ABLIM2: variants seen among roughly 807,000 people sequenced by gnomAD.
ABLIM2 encodes the protein actin-binding LIM protein 2.
A neutral mutation model predicts 97.7 loss-of-function variants in ABLIM2; 53 were observed. The observed-to-expected ratio is 0.54, with a 90% CI of 0.44 to 0.68. ABLIM2 has a LOEUF of 0.68. Ranked by LOEUF, ABLIM2 falls within the 30% of genes least tolerant of loss-of-function variation. ABLIM2 has a pLI of 0.00. For missense variants in ABLIM2, 835 were observed against 867.2 expected (o/e 0.96, Z 0.47); for synonymous variants, 361 against 345.8 (o/e 1.04, Z -0.49).
chr4:8,020,440 G>C (rs1313442571), intron 12 of ABLIM2, 137 bp from the exon 13 acceptor site: 6 of 797,510 alleles, frequency 7.5e-6, no homozygotes, highest in Admixed American at 2.0e-5. Context: ...CCCTGCCCAG[G>C]GGAAGGAGTG....
intron 9 of ABLIM2, among the ~76,000 whole-genome samples, chr4:8,042,874 G>T (rs937402174): frequency 6.7e-6 from 1 of 148,288 alleles, no homozygotes; most frequent in Admixed American, 6.7e-5. Context: ...GTGTTGGCCA[G>T]ACGTGATGAC....
At chr4:7,985,181 C>T (rs1742753521) in intron 17 of ABLIM2, among the ~76,000 whole-genome samples, 1 of 152,314 alleles carries the variant, frequency 6.6e-6, no homozygotes, top group Middle Eastern at 3.4e-3. Context: ...GCTCCAACCC[C>T]ATTTGAAAGC....
intron 9 of ABLIM2, among the ~76,000 whole-genome samples, chr4:8,040,281 C>T (rs1202087366): frequency 1.3e-5 from 2 of 151,936 alleles, no homozygotes; most frequent in Non-Finnish European, 2.9e-5. Flanking sequence ...GCCAGGCGCA[C>T]AGTAGGTTGA....
intron 6 of ABLIM2, among the ~76,000 whole-genome samples, chr4:8,076,769 C>T (rs1383858170): frequency 1.2e-5 from 1 of 85,964 alleles, no homozygotes; most frequent in East Asian, 3.5e-4. Flanking sequence ...GGGTGGGCTG[C>T]AGGGTGGGGG....
In ABLIM2 at chr4:8,027,769, G is replaced by C. The variant is rs1410365000; in HGVS notation, c.1257C>G (p.Pro419=). ...PTSVFRHHYI[P]YFRGSESGRS... is the part of the protein sequence containing the mutation. ...CACTGCGTGCCTTACCTCGGAAGTA[G>C]GGGATGTAATGATGTCTGAACACGG... Residue 419 remains proline (P), a synonymous_variant, in exon 12 of 21, where the codon CCC becomes CCG. Transcript: ENST00000447017. The C allele has an allele frequency of 6.3e-7, 1 of 1,589,132 alleles. No homozygotes were observed. The highest frequency in any genetic ancestry group is 8.6e-7 in the Non-Finnish European group (1 of 1,168,292).
chr4:7,983,688 G>T, intron 18 of ABLIM2, 134 bp from the exon 19 acceptor site: 1 of 1,127,804 alleles, frequency 8.9e-7, no homozygotes, highest in Non-Finnish European at 1.3e-6. Context: ...TGGTCCCCGA[G>T]CAGCCTGCAC....
chr4:8,139,409 GA>G (rs533893134), intron 1 of ABLIM2, among the ~76,000 whole-genome samples: 1 of 151,936 alleles, frequency 6.6e-6, no homozygotes, highest in Non-Finnish European at 1.5e-5. Context: ...ATATTTACAA[GA>G]AAAAAACAAC....
intron 6 of ABLIM2, among the ~76,000 whole-genome samples, chr4:8,073,045 G>A (rs1353845888): frequency 6.6e-6 from 1 of 151,968 alleles, no homozygotes; most frequent in Non-Finnish European, 1.5e-5. Context: ...TCTGCAGTGG[G>A]GACTTCCATA....
intron 13 of ABLIM2, 37 bp downstream of exon 13, chr4:8,020,150 GGTGTGGACAGTTTCA>G: frequency 1.9e-6 from 3 of 1,541,082 alleles, no homozygotes; most frequent in Non-Finnish European, 2.7e-6. Context: ...GGCCAGTTTC[GGTGTGGACAGTTTCA>G]GTGTAAGGAG....
intron 1 of ABLIM2, among the ~76,000 whole-genome samples, chr4:8,119,930 C>T (rs1385992196): frequency 1.3e-5 from 2 of 152,162 alleles, no homozygotes; most frequent in African/African-American, 4.8e-5. Flanking sequence ...GGGGTGCGTG[C>T]TCAAGTCCTG....
chr4:7,989,304 C>T (rs1746882672), intron 17 of ABLIM2: 6 of 614,316 alleles, frequency 9.8e-6, no homozygotes, highest in Non-Finnish European at 1.2e-5. Flanking sequence ...GTCTCAAACT[C>T]CTGGCCTCAA....
intron 2 of ABLIM2, among the ~76,000 whole-genome samples, chr4:8,104,648 C>T (rs1246389915): frequency 1.3e-5 from 2 of 152,142 alleles, no homozygotes; most frequent in Non-Finnish European, 2.9e-5. Context: ...TGGTGCAGCC[C>T]CCTTGGGGTC....
intron 3 of ABLIM2, among the ~76,000 whole-genome samples, chr4:8,094,798 C>T (rs191568260): frequency 6.6e-6 from 1 of 152,156 alleles, no homozygotes; most frequent in Non-Finnish European, 1.5e-5. Flanking sequence ...CTTTGGGTCA[C>T]ATTTTCTAGT....
chr4:8,032,246 T>C lies in ABLIM2; in HGVS notation c.1048-2470A>G, dbSNP rs1047659366. Among the ~76,000 whole-genome samples the C allele has an allele frequency of 2.0e-5, 3 of 150,798 alleles. No individual in the cohort carries two copies. Among genetic ancestry groups the C allele is most frequent in the East Asian group, 1.9e-4 (1 of 5,160 alleles). On this transcript the variant is annotated intron_variant, in intron 10 of 20. Transcript: ENST00000447017. The surrounding 1 kb of genome is among the most constrained non-coding windows in gnomAD (Gnocchi z 4.3). ...ACCACTAACAGTAAAAGCTCTTTTGTAGAGAGACACGTCCAGTGTTTCTCC... is the reference window on the plus strand; with the variant it reads ...ACCACTAACAGTAAAAGCTCTTTTGCAGAGAGACACGTCCAGTGTTTCTCC...
chr4:8,037,000 G>A (rs1317095668), intron 9 of ABLIM2, among the ~76,000 whole-genome samples: 1 of 152,138 alleles, frequency 6.6e-6, no homozygotes, highest in Non-Finnish European at 1.5e-5. Context: ...CCTGTAGCCT[G>A]TGCACATCCT....
rs199998102 is a variant in ABLIM2, at chr4:8,045,253, G to C, written c.823-12C>G. Reference sequence around the variant, plus strand: ...GAAGTTCTGGTTTCCTGAGAAAGGAGAGAGGAAGAGATTGAAGGCAGGTAC... The same window carrying C: ...GAAGTTCTGGTTTCCTGAGAAAGGACAGAGGAAGAGATTGAAGGCAGGTAC... On this transcript the variant is annotated splice_polypyrimidine_tract_variant and intron_variant, in intron 8 of 20. Transcript: ENST00000447017. 3,240 of 1,611,338 alleles carry C rather than the reference G, an allele frequency of 2.0e-3. 21 individuals carry two copies. The highest frequency in any genetic ancestry group is 0.013 in the South Asian group (1,204 of 91,042).
chr4:8,012,107 C>A (rs1251706188), intron 14 of ABLIM2, among the ~76,000 whole-genome samples: 1 of 151,544 alleles, frequency 6.6e-6, no homozygotes, highest in African/African-American at 2.4e-5. Context: ...TCTGCCCATC[C>A]ATCCACCCAT....
chr4:7,997,458 C>T (rs1754059411), intron 16 of ABLIM2, among the ~76,000 whole-genome samples: 1 of 152,226 alleles, frequency 6.6e-6, no homozygotes, highest in Non-Finnish European at 1.5e-5. Flanking sequence ...TCCCACAGGT[C>T]CCTGAGGCTC....
intron 6 of ABLIM2, among the ~76,000 whole-genome samples, chr4:8,064,874 G>A (rs1274933960): frequency 2.0e-5 from 3 of 152,104 alleles, no homozygotes; most frequent in East Asian, 1.9e-4. Context: ...TATAATTCAC[G>A]CACCCCTCTG....
Sources: gnomAD v4.1 joint callset for allele counts (sites outside exome capture counted in the v4.1 genomes callset) on GRCh38, gnomAD v4.1.1 for gene constraint, Gnocchi (gnomAD v3.1) non-coding constraint, MANE v1.5 for transcripts, NCBI Gene and HGNC (gene_info 2026-07-23, HGNC 2026-07-21) for gene names.